Variants in SGCZ observed in about 807,000 individuals in gnomAD.
SGCZ encodes zeta-sarcoglycan.
SGCZ carries 40 observed loss-of-function variants against 41.3 expected under a neutral mutation model. The observed-to-expected ratio is 0.97, with a 90% confidence interval of 0.75 to 1.26. SGCZ has a LOEUF of 1.26. Ranked by LOEUF, SGCZ falls within the 50% of genes most tolerant of loss-of-function variation. SGCZ has a pLI of 0.00. For synonymous variants in SGCZ, 206 were observed against 137.5 expected (o/e 1.50, Z -3.49); for missense variants, 552 against 369.8 (o/e 1.49, Z -4.04).
chr8:14,968,541 A>G (rs1169103082), intron 1 of SGCZ, among the ~76,000 whole-genome samples: 2 of 152,128 alleles, frequency 1.3e-5, no homozygotes, highest in African/African-American at 2.4e-5. Context: ...TTAAAAATCT[A>G]AAGGGCAAGA....
intron 1 of SGCZ, among the ~76,000 whole-genome samples, chr8:14,706,316 A>G (rs1585197363): frequency 6.6e-6 from 1 of 151,064 alleles, no homozygotes; most frequent in East Asian, 1.9e-4. Flanking sequence ...CACTATTGGG[A>G]TTCTTTTTGA....
rs77921325 is a variant in SGCZ, at chr8:15,165,300, C to CA, written c.39+72284dup. On this transcript the variant is annotated intron_variant, in intron 1 of 7. Transcript: ENST00000382080. ...GAGACTCTGTCCTCCCCGCCCCCAC[C>CA]AAAAAAAACCTCTAATTAATTTGGC... Among the ~76,000 whole-genome samples, 1,248 of 151,590 alleles carry CA rather than the reference C, an allele frequency of 8.2e-3. 24 individuals carry two copies. The highest frequency in any genetic ancestry group is 0.063 in the East Asian group (326 of 5,134).
intron 1 of SGCZ, among the ~76,000 whole-genome samples, chr8:14,930,663 AG>A (rs1183449455): frequency 2.0e-5 from 3 of 152,062 alleles, no homozygotes; most frequent in Admixed American, 6.5e-5. Context: ...GCCATAAAAA[AG>A]GATGAGTTCA....
rs377013276 is a variant in SGCZ at position 14,111,518 on chromosome 8, C to T, written c.548-3283G>A. On this transcript the variant is annotated intron_variant, in intron 5 of 7. Coordinates refer to ENST00000382080, the MANE Select transcript of SGCZ (RefSeq NM_139167.4). ...ACACATATTAATATGTATATGTAAA[C>T]TTATTGAATAAATGTTTGTTTTTCA... is the stretch of plus-strand genomic sequence containing the variant. 2.6e-5 allele frequency among the ~76,000 whole-genome samples: 4 copies of T among 152,236 alleles called. No individual in the cohort carries two copies. In the South Asian group the frequency reaches 6.2e-4, roughly 24 times the overall value.
chr8:14,706,488 C>T (rs1306884154), intron 1 of SGCZ, among the ~76,000 whole-genome samples: 2 of 152,026 alleles, frequency 1.3e-5, no homozygotes. Context: ...CATGTGTAAA[C>T]CTTTGCCAAG....
intron 3 of SGCZ, among the ~76,000 whole-genome samples, chr8:14,313,413 A>C (rs1801610616): frequency 6.6e-6 from 1 of 152,142 alleles, no homozygotes; most frequent in African/African-American, 2.4e-5. Context: ...TCCTGAGTTC[A>C]AGTGATTCTC....
intron 6 of SGCZ, among the ~76,000 whole-genome samples, chr8:14,103,650 T>G (rs549511791): frequency 4.8e-4 from 65 of 134,976 alleles, no homozygotes; most frequent in Non-Finnish European, 7.9e-4. Flanking sequence ...ACTTCCATTT[T>G]CTTTTTTTTT....
At chr8:14,554,551 C>T (rs777516322) in intron 2 of SGCZ, among the ~76,000 whole-genome samples, 181 bp downstream of exon 2, 3 of 151,866 alleles carry the variant, frequency 2.0e-5, no homozygotes, top group Admixed American at 6.6e-5. Context: ...TAATAGCATA[C>T]GTGTGTCAGG....
intron 1 of SGCZ, among the ~76,000 whole-genome samples, chr8:15,012,263 G>T (rs938145172): frequency 6.6e-6 from 1 of 151,658 alleles, no homozygotes; most frequent in African/African-American, 2.4e-5. Flanking sequence ...AAGAATTTGA[G>T]ATCAGACTGG....
chr8:14,140,860 C>T (rs1803347354), intron 5 of SGCZ, among the ~76,000 whole-genome samples: 2 of 152,098 alleles, frequency 1.3e-5, no homozygotes, highest in Admixed American at 6.5e-5. Context: ...GCCCGCATAG[C>T]CAAGACAATC....
intron 1 of SGCZ, among the ~76,000 whole-genome samples, chr8:14,791,592 C>A (rs1800955238): frequency 6.6e-6 from 1 of 152,216 alleles, no homozygotes; most frequent in Non-Finnish European, 1.5e-5. Flanking sequence ...CCAAACCCAT[C>A]CCCAATTTTT....
chr8:14,428,824 T>C (rs1398192904), intron 2 of SGCZ, among the ~76,000 whole-genome samples: 1 of 152,208 alleles, frequency 6.6e-6, no homozygotes, highest in Non-Finnish European at 1.5e-5. Context: ...TAAGTTCACA[T>C]GTAGATATAA....
intron 1 of SGCZ, among the ~76,000 whole-genome samples, chr8:15,148,524 G>C (rs1799094334): frequency 6.6e-6 from 1 of 152,176 alleles, no homozygotes; most frequent in Non-Finnish European, 1.5e-5. Context: ...GGAGTCATAG[G>C]AATTGCAAGG....
At chr8:14,214,474 C>T (rs556730416) in intron 4 of SGCZ, among the ~76,000 whole-genome samples, 12 of 152,118 alleles carry the variant, frequency 7.9e-5, no homozygotes, top group Middle Eastern at 3.4e-3. Flanking sequence ...ATGTACCACA[C>T]CAATATAAAA....
chr8:14,854,301 G>A lies in SGCZ; in HGVS notation c.40-299375C>T, dbSNP rs574334553. 2.6e-4 allele frequency among the ~76,000 whole-genome samples: 39 copies of A among 151,272 alleles called. No homozygotes were observed. In the South Asian group the frequency reaches 6.1e-3, roughly 24 times the overall value. Reference sequence around the variant, plus strand: ...AATGACTCACTTTACTATTTCATTCGCAATTCACAAAACAAAAAGTTAATT... The same window carrying A: ...AATGACTCACTTTACTATTTCATTCACAATTCACAAAACAAAAAGTTAATT... On this transcript the variant is annotated intron_variant, in intron 1 of 7. Transcript: ENST00000382080.
At chr8:15,095,299 A>G (rs1806304145) in intron 1 of SGCZ, among the ~76,000 whole-genome samples, 1 of 152,100 alleles carries the variant, frequency 6.6e-6, no homozygotes, top group Non-Finnish European at 1.5e-5. Flanking sequence ...GGGTTTCACC[A>G]TGTTACCCAA....
rs34489718 is a variant in SGCZ at position 14,313,910 on chromosome 8, C to CTGTGTGTG, written c.336+10185_336+10192dup. 1.5e-4 allele frequency among the ~76,000 whole-genome samples: 22 copies of CTGTGTGTG among 144,914 alleles called. 1 individual carries two copies. Among genetic ancestry groups the CTGTGTGTG allele is most frequent in the East Asian group, 1.2e-3 (6 of 4,818 alleles). ...AAAAGTATAGGGTTATATCATCTCT[C>CTGTGTGTG]TGTGTGTGTGTGTGTGTGTGTGTGT... is the stretch of plus-strand genomic sequence containing the variant. On this transcript the variant is annotated intron_variant, in intron 3 of 7. Coordinates refer to ENST00000382080, the MANE Select transcript of SGCZ (RefSeq NM_139167.4).
At chr8:14,681,018 T>G (rs1227020125) in intron 1 of SGCZ, among the ~76,000 whole-genome samples, 1 of 136,308 alleles carries the variant, frequency 7.3e-6, no homozygotes, top group African/African-American at 2.9e-5. Flanking sequence ...TACCAGGAGA[T>G]CTAACATACT....
chr8:14,173,658 C>G (rs1294257889), intron 4 of SGCZ, among the ~76,000 whole-genome samples: 2 of 151,846 alleles, frequency 1.3e-5, no homozygotes, highest in African/African-American at 2.4e-5. Context: ...ACTAAAAAGC[C>G]AATACTGGAG....
Sources: gnomAD v4.1 joint callset for allele counts (sites outside exome capture counted in the v4.1 genomes callset) on GRCh38, gnomAD v4.1.1 for gene constraint, MANE v1.5 for transcripts, NCBI Gene and HGNC (gene_info 2026-07-23, HGNC 2026-07-21) for gene names.